COL6A5: variants seen among roughly 807,000 people sequenced by gnomAD.
COL6A5 encodes the protein collagen alpha-5(VI) chain.
A neutral mutation model predicts 65.6 loss-of-function variants in COL6A5; 48 were observed. The observed-to-expected ratio is 0.73, with a 90% CI of 0.58 to 0.93. The LOEUF is 0.93. COL6A5 is among the 40% of genes least tolerant of loss of function. The probability of loss-of-function intolerance (pLI) is 0.00; values close to 1 mark genes in which losing one functional copy is unlikely to be tolerated. For missense variants in COL6A5, 914 were observed against 928.3 expected, an observed-to-expected ratio of 0.98 and a Z score of 0.20; for synonymous variants, 291 against 322.8, an observed-to-expected ratio of 0.90 and a Z score of 1.05.
chr3:130,359,457 TCA>T (rs1935036409), intron 1 of COL6A5, among the ~76,000 whole-genome samples: 1 of 152,008 alleles, frequency 6.6e-6, no homozygotes, highest in Non-Finnish European at 1.5e-5. Flanking sequence ...TATTTTTTTC[TCA>T]CACAAGGAAA....
exon 4 of COL6A5, chr3:130,379,492 G>A (rs374953464): frequency 8.3e-5 from 128 of 1,551,166 alleles, no homozygotes; most frequent in Middle Eastern, 5.0e-4. Flanking sequence ...ACTTGGGACC[G>A]GAGGAAATTT....
At chr3:130,357,884 A>G (rs1366129588) in intron 1 of COL6A5, among the ~76,000 whole-genome samples, 1 of 152,146 alleles carries the variant, frequency 6.6e-6, no homozygotes, top group Admixed American at 6.5e-5. Flanking sequence ...AATGAAGAAA[A>G]CACTTAAAAT....
At chr3:130,388,166 T>A (rs1936264360) in intron 5 of COL6A5, among the ~76,000 whole-genome samples, 1 of 152,108 alleles carries the variant, frequency 6.6e-6, no homozygotes, top group South Asian at 2.1e-4. Flanking sequence ...ATTGTGTTTC[T>A]CCAGAATATA....
upstream of COL6A5, chr3:130,429,518 A>T: frequency 2.0e-6 from 3 of 1,493,932 alleles, no homozygotes; most frequent in African/African-American, 1.4e-5. Flanking sequence ...TTTTTGAACT[A>T]TTTTTAGTCT....
chr3:130,456,797 T>C (rs1268285249), intron 5 of COL6A5, among the ~76,000 whole-genome samples: 1 of 152,120 alleles, frequency 6.6e-6, no homozygotes. Flanking sequence ...TGTACTATAA[T>C]ATTCATTCTT....
rs539722750 is a variant in COL6A5 at position 130,459,375 on chromosome 3, T to C, written c.1544+3709T>C. Among the ~76,000 whole-genome samples, 315 of 152,224 alleles carry C rather than the reference T, an allele frequency of 2.1e-3. 2 individuals carry two copies. Among genetic ancestry groups the C allele is most frequent in the Non-Finnish European group, 3.7e-4 (25 of 68,000 alleles). On this transcript the variant is annotated intron_variant, in intron 5 of 7. Coordinates refer to ENST00000512836, the Ensembl canonical transcript of COL6A5. ...TTTATTTTTTGCTTTGAATTAATCG[T>C]AAGATAATAGAACTGGAAGGGTATT...
intron 1 of COL6A5, among the ~76,000 whole-genome samples, chr3:130,434,592 G>A (rs959988500): frequency 6.6e-6 from 1 of 152,158 alleles, no homozygotes; most frequent in Non-Finnish European, 1.5e-5. Flanking sequence ...AGCCTTGCCA[G>A]CATCTATTGT....
chr3:130,383,636 C>T (rs1936082285), intron 4 of COL6A5, among the ~76,000 whole-genome samples: 1 of 152,030 alleles, frequency 6.6e-6, no homozygotes, highest in Non-Finnish European at 1.5e-5. Context: ...TCCTAAGGAG[C>T]AACTGCCGTG....
rs1305898529 is a variant in COL6A5, at chr3:130,439,527, CA to C, written c.495del (p.Asn166ThrfsTer7). 6.5e-7 allele frequency: 1 copy of C among 1,549,628 alleles called. No individual in the cohort carries two copies. The highest frequency in any genetic ancestry group is 2.0e-5 in the Admixed American group (1 of 50,594). On this transcript the variant is annotated frameshift_variant, in exon 2 of 8. Coordinates refer to ENST00000512836, the Ensembl canonical transcript of COL6A5. LOFTEE classifies it high-confidence loss of function. ...TCACTTCTTTTCCAATGCAGTTTGA[CA>C]ACACTGGAACATTTCAGGTGATTCC...
chr3:130,413,761 A>G (rs1035380597), intron 21 of COL6A5, among the ~76,000 whole-genome samples, 181 bp downstream of exon 21: 2 of 151,786 alleles, frequency 1.3e-5, no homozygotes, highest in African/African-American at 4.8e-5. Flanking sequence ...AACAGACCTA[A>G]GGAAAAGCCT....
intron 10 of COL6A5, among the ~76,000 whole-genome samples, chr3:130,398,849 A>G (rs1936708926): frequency 6.6e-6 from 1 of 152,190 alleles, no homozygotes; most frequent in South Asian, 2.1e-4. Flanking sequence ...ACTGAGATGT[A>G]TCCCTGGTTA....
chr3:130,410,015 C>T (rs977199293), exon 19 of COL6A5: 2 of 1,546,512 alleles, frequency 1.3e-6, no homozygotes, highest in Non-Finnish European at 1.7e-6. Context: ...CTAGGGTAAT[C>T]CAGGACAAAA....
chr3:130,446,985 CTGTT>C (rs1261402209), intron 4 of COL6A5, among the ~76,000 whole-genome samples: 1 of 152,102 alleles, frequency 6.6e-6, no homozygotes, highest in Non-Finnish European at 1.5e-5. Flanking sequence ...GTTGTTCAGA[CTGTT>C]TGGACAATTG....
intron 3 of COL6A5, among the ~76,000 whole-genome samples, chr3:130,377,414 C>T (rs980860253): frequency 2.6e-5 from 4 of 152,178 alleles, no homozygotes; most frequent in Admixed American, 2.6e-4. Flanking sequence ...ATGAGACTCA[C>T]AATAAATATT....
At chr3:130,384,926 G>T (rs1936129116) in exon 5 of COL6A5, 21 of 1,550,850 alleles carry the variant, frequency 1.4e-5, no homozygotes, top group South Asian at 4.8e-5. Context: ...GTTTAGCATT[G>T]GCCCAGACAA....
chr3:130,434,988 G>A (rs1937981211), intron 1 of COL6A5, among the ~76,000 whole-genome samples: 1 of 152,064 alleles, frequency 6.6e-6, no homozygotes, highest in Non-Finnish European at 1.5e-5. Flanking sequence ...AACTGCTTTT[G>A]GTGTTTTAGT....
chr3:130,449,758 G>A (rs564457642), intron 4 of COL6A5, among the ~76,000 whole-genome samples: 1 of 152,010 alleles, frequency 6.6e-6, no homozygotes, highest in Admixed American at 6.6e-5. Flanking sequence ...TGTTTAAAAC[G>A]GTATTAGGTA....
At chr3:130,456,759 TA>T (rs1163395823) in intron 5 of COL6A5, among the ~76,000 whole-genome samples, 4 of 152,122 alleles carry the variant, frequency 2.6e-5, no homozygotes, top group Non-Finnish European at 4.4e-5. Context: ...TTAGAGTACA[TA>T]AGTATAAGAG....
At chr3:130,443,126 C>T (rs544687780) in intron 3 of COL6A5, among the ~76,000 whole-genome samples, 5 of 152,084 alleles carry the variant, frequency 3.3e-5, no homozygotes, top group South Asian at 2.1e-4. Flanking sequence ...GATCCGTTAG[C>T]GTAAGTCTGG....
Sources: gnomAD v4.1 joint callset for allele counts (sites outside exome capture counted in the v4.1 genomes callset) on GRCh38, gnomAD v4.1.1 for gene constraint, MANE v1.5 for transcripts, NCBI Gene and HGNC (gene_info 2026-07-23, HGNC 2026-07-21) for gene names.